The following SLC8A1 variants were observed in gnomAD, a reference collection of about 807,000 sequenced individuals.
The protein encoded by SLC8A1 is solute carrier family 8 member A1.
In SLC8A1, 18 loss-of-function variants were observed where a neutral mutation model predicts 68.3. That is an observed-to-expected ratio of 0.26 (90% CI 0.18 to 0.39). The LOEUF (loss-of-function observed/expected upper bound fraction) is 0.39, where lower values mean the gene tolerates loss of function less well. SLC8A1 is among the 10% of genes least tolerant of loss of function. The probability of loss-of-function intolerance (pLI) is 1.00; values close to 1 mark genes in which losing one functional copy is unlikely to be tolerated. For synonymous variants in SLC8A1, 475 were observed against 415.5 expected (o/e 1.14, Z -1.74); for missense variants, 985 against 1,156.7 (o/e 0.85, Z 2.15).
rs542072807 is a variant in SLC8A1, at chr2:40,447,610, A to C, written c.-25+4294T>G. On this transcript the variant is annotated intron_variant, in intron 1 of 7. Transcript: ENST00000406785. The stretch of plus-strand genomic sequence containing the variant: ...AGTTAAAAAAAAAAAAAAAAAAAAG[A>C]AAGAACATATGCTAATGATTTGTGA... Among the ~76,000 whole-genome samples, 621 of 149,422 alleles carry C rather than the reference A, an allele frequency of 4.2e-3. 2 individuals are homozygous for C. The highest frequency in any genetic ancestry group is 0.015 in the African/African-American group (594 of 40,754).
At chr2:40,301,449 G>A (rs950842580) in intron 2 of SLC8A1, among the ~76,000 whole-genome samples, 6 of 152,188 alleles carry the variant, frequency 3.9e-5, no homozygotes, top group Non-Finnish European at 4.4e-5. Context: ...GGAAAAGCCT[G>A]GAGGGAACTG....
Position 40,159,944 on chromosome 2 carries a change from C to T in SLC8A1, c.2161+821G>A, listed in dbSNP as rs559624638. 3.0e-4 allele frequency among the ~76,000 whole-genome samples: 45 copies of T among 152,226 alleles called. 1 individual carries two copies. In the South Asian group the frequency reaches 7.0e-3, roughly 24 times the overall value. On this transcript the variant is annotated intron_variant, in intron 6 of 7. Coordinates refer to ENST00000406785, the Ensembl canonical transcript of SLC8A1. The stretch of plus-strand genomic sequence containing the variant: ...AAATTTTACAGCTTGGGAATCACTA[C>T]GTATTTAGGAAACTCTACCTTTGTT...
chr2:40,456,993 G>T (rs1378195605), upstream of SLC8A1, among the ~76,000 whole-genome samples: 2 of 152,040 alleles, frequency 1.3e-5, no homozygotes, highest in Non-Finnish European at 2.9e-5. Context: ...TGATTAAAAG[G>T]GGCAATGAAT....
At chr2:40,154,429 G>A (rs1422738019) in intron 6 of SLC8A1, among the ~76,000 whole-genome samples, 6 of 146,792 alleles carry the variant, frequency 4.1e-5, no homozygotes, top group Admixed American at 2.1e-4. Context: ...TCAGCTTCCC[G>A]AGTAGCTGGG....
chr2:40,309,549 C>T (rs1319063429), intron 2 of SLC8A1, among the ~76,000 whole-genome samples: 1 of 148,852 alleles, frequency 6.7e-6, no homozygotes, highest in Non-Finnish European at 1.5e-5. Context: ...CTCTGTTGCC[C>T]AGGCTGGAGT....
intron 2 of SLC8A1, among the ~76,000 whole-genome samples, chr2:40,357,013 C>G (rs1018632553): frequency 6.6e-6 from 1 of 152,116 alleles, no homozygotes; most frequent in Non-Finnish European, 1.5e-5. Context: ...TTCTAATAAA[C>G]TGCTCTCAGT....
chr2:40,269,617 T>G (rs1283940819), intron 2 of SLC8A1, among the ~76,000 whole-genome samples: 1 of 152,064 alleles, frequency 6.6e-6, no homozygotes, highest in African/African-American at 2.4e-5. Context: ...GAGGATATAT[T>G]TGGGTTAATC....
intron 2 of SLC8A1, among the ~76,000 whole-genome samples, chr2:40,273,970 C>A (rs1449915934): frequency 1.3e-5 from 2 of 150,914 alleles, no homozygotes; most frequent in African/African-American, 2.4e-5. Context: ...CCCAAGGCTG[C>A]GGCATGTCGG....
intron 2 of SLC8A1, among the ~76,000 whole-genome samples, chr2:40,339,630 T>C (rs1155246): frequency 0.76 from 116,204 of 152,166 alleles, 45,072 homozygotes; most frequent in African/African-American, 0.91. Context: ...TGAAATAGAA[T>C]GCAATTTATG....
chr2:40,182,385 T>G (rs929095387), intron 2 of SLC8A1, among the ~76,000 whole-genome samples: 1 of 152,194 alleles, frequency 6.6e-6, no homozygotes, highest in Non-Finnish European at 1.5e-5. Flanking sequence ...AACTGTGGTT[T>G]CTGGAAACTA....
intron 1 of SLC8A1, among the ~76,000 whole-genome samples, chr2:40,501,337 C>G (rs899793932): frequency 1.3e-5 from 2 of 152,022 alleles, no homozygotes; most frequent in African/African-American, 4.8e-5. Context: ...TTTATGTACT[C>G]TTTGTAAAAC....
chr2:40,509,955 G>C (rs1329564811), intron 1 of SLC8A1, among the ~76,000 whole-genome samples: 1 of 151,908 alleles, frequency 6.6e-6, no homozygotes, highest in African/African-American at 2.4e-5. Flanking sequence ...AGCCTCCCGA[G>C]TAGCTGGGAT....
intron 2 of SLC8A1, among the ~76,000 whole-genome samples, chr2:40,398,307 G>A (rs977974672): frequency 2.6e-5 from 4 of 152,086 alleles, no homozygotes; most frequent in Non-Finnish European, 5.9e-5. Flanking sequence ...TACCAGCAGA[G>A]TCTTTTGACC....
chr2:40,359,512 A>G (rs1010483512), intron 2 of SLC8A1, among the ~76,000 whole-genome samples: 8 of 152,266 alleles, frequency 5.3e-5, no homozygotes, highest in African/African-American at 1.9e-4. Context: ...GCTTCTGGGT[A>G]GAAAAGAGAT....
chr2:40,123,826 T>C (rs573169782), intron 7 of SLC8A1, among the ~76,000 whole-genome samples: 1 of 152,334 alleles, frequency 6.6e-6, no homozygotes, highest in East Asian at 1.9e-4. Flanking sequence ...TAATTGTCAT[T>C]TTCCCAAGCC....
chr2:40,221,461 A>T (rs1342310279), intron 2 of SLC8A1, among the ~76,000 whole-genome samples: 1 of 152,170 alleles, frequency 6.6e-6, no homozygotes, highest in East Asian at 1.9e-4. Context: ...ATTCCCTTTG[A>T]AAACTGGCAC....
intron 4 of SLC8A1, among the ~76,000 whole-genome samples, chr2:40,171,083 T>A (rs1466617909): frequency 6.6e-6 from 1 of 152,194 alleles, no homozygotes. Flanking sequence ...ATAACTGACC[T>A]GGGAGTCATG....
At chr2:40,302,014 C>T (rs1270392393) in intron 2 of SLC8A1, among the ~76,000 whole-genome samples, 1 of 145,586 alleles carries the variant, frequency 6.9e-6, no homozygotes, top group Admixed American at 6.9e-5. Flanking sequence ...AGGCACCTGC[C>T]ACCACACCGG....
At chr2:40,167,957 C>T (rs1244888761) in intron 4 of SLC8A1, among the ~76,000 whole-genome samples, 1 of 152,134 alleles carries the variant, frequency 6.6e-6, no homozygotes, top group Non-Finnish European at 1.5e-5. Context: ...GCACCTATTA[C>T]AATATATGGA....
Sources: gnomAD v4.1 joint callset for allele counts (sites outside exome capture counted in the v4.1 genomes callset) on GRCh38, gnomAD v4.1.1 for gene constraint, MANE v1.5 for transcripts, NCBI Gene and HGNC (gene_info 2026-07-23, HGNC 2026-07-21) for gene names.